Variants in TMEM52B observed in about 807,000 individuals in gnomAD.
TMEM52B encodes chromosome 12 open reading frame 59.
Under a neutral mutation model 16.1 loss-of-function variants are expected in TMEM52B, and 11 were observed. The ratio of observed to expected loss-of-function variants is 0.68; its 90% CI spans 0.43 to 1.13. The LOEUF (loss-of-function observed/expected upper bound fraction) is 1.13. Among genes scored for constraint, TMEM52B ranks in the 50% most tolerant of loss-of-function variants. TMEM52B has a pLI of 0.00. For synonymous variants in TMEM52B, 101 were observed against 93.8 expected (o/e 1.08, Z -0.45); for missense variants, 243 against 230.4 (o/e 1.05, Z -0.35).
intron 4 of TMEM52B, among the ~76,000 whole-genome samples, chr12:10,188,527 AGG>A (rs879283576): frequency 0.1 from 12,796 of 126,230 alleles, 799 homozygotes; most frequent in Non-Finnish European, 0.15. Context: ...GAAGGAAGGA[AGG>A]AAGGAAGGAA....
Position 10,191,729 on chromosome 12 carries a change from A to T in TMEM52B, c.*1589A>T, listed in dbSNP as rs1477659591. ...GTTCCCATTTATCTTTTTGCCAACT[A>T]TGTTACTGTTGTCACACCTGAAATG... On this transcript the variant is annotated 3_prime_UTR_variant, in exon 5 of 5. Transcript: ENST00000543484. 6.6e-6 allele frequency: 1 copy of T among 152,154 alleles called. No individual in the cohort carries two copies. Among genetic ancestry groups the T allele is most frequent in the Non-Finnish European group, 1.5e-5 (1 of 68,020 alleles). 9.4% of individuals were successfully genotyped at this position (152,154 alleles called of 1,614,324 possible). A position where few individuals can be genotyped will look rare whatever the true frequency, so the allele number is the denominator to read the frequency against.
At chr12:10,181,612 G>A (rs1421203963) in intron 1 of TMEM52B, among the ~76,000 whole-genome samples, 2 of 151,532 alleles carry the variant, frequency 1.3e-5, no homozygotes, top group Admixed American at 1.3e-4. Flanking sequence ...ACAGGCGTGA[G>A]CCACCACGCC....
Position 10,179,600 on chromosome 12 carries a change from C to A in TMEM52B, c.26C>A (p.Ala9Glu), listed in dbSNP as rs768022750. 4 of 1,614,038 alleles carry A rather than the reference C, an allele frequency of 2.5e-6. No individual in the cohort carries two copies. Among genetic ancestry groups the A allele is most frequent in the African/African-American group, 1.3e-5 (1 of 74,910 alleles). Residue 9 changes from alanine to glutamate, a missense_variant, in exon 1 of 5, where the codon GCG (alanine) becomes GAG (glutamate). Physicochemically the swap from Ala to Glu is moderately radical, Grantham distance 107. Coordinates refer to ENST00000543484, the MANE Select transcript of TMEM52B (RefSeq NM_001384896.1). MGVRVHVV[A>E]ASALLYFILL... Reference sequence around the variant, plus strand: ...ATGGGAGTCCGAGTTCATGTCGTGGCGGCCTCAGCCCTGCTGTATTTCATC... The same window carrying A: ...ATGGGAGTCCGAGTTCATGTCGTGGAGGCCTCAGCCCTGCTGTATTTCATC...
upstream of TMEM52B, among the ~76,000 whole-genome samples, chr12:10,178,634 C>A (rs7305138): frequency 0.8 from 120,761 of 151,676 alleles, 48,881 homozygotes; most frequent in African/African-American, 0.89. Context: ...TCACATCACT[C>A]CTTAACCAAA....
At chr12:10,173,549 G>C (rs553517050) in intron 1 of TMEM52B, among the ~76,000 whole-genome samples, 75 of 61,956 alleles carry the variant, frequency 1.2e-3, no homozygotes, top group East Asian at 3.9e-3. Context: ...GGAAGCTGAG[G>C]GGGGGGGTGG....
Position 10,181,113 on chromosome 12 carries a change from G to A in TMEM52B, c.55-1437G>A, listed in dbSNP as rs549777262. On this transcript the variant is annotated intron_variant, in intron 1 of 4. Coordinates refer to ENST00000543484, the MANE Select transcript of TMEM52B (RefSeq NM_001384896.1). Reference sequence around the variant, plus strand: ...TGAGCCACTGCACCCAGCCTTGAATGGGTTTTTGAAAGAGGAAGTCAACTA... The same window carrying A: ...TGAGCCACTGCACCCAGCCTTGAATAGGTTTTTGAAAGAGGAAGTCAACTA... Among the ~76,000 whole-genome samples, 10 of 152,092 alleles carry A rather than the reference G, an allele frequency of 6.6e-5. 1 individual carries two copies. In the South Asian group the frequency reaches 1.9e-3, roughly 28 times the overall value.
At chr12:10,177,766 CAAA>C (rs1438669555), upstream of TMEM52B, among the ~76,000 whole-genome samples, 1 of 91,154 alleles carries the variant, frequency 1.1e-5, no homozygotes, top group Non-Finnish European at 2.1e-5. Flanking sequence ...GACTCTGTCT[CAAA>C]TAATAATAAT....
At chr12:10,181,166 AGTTTT>A (rs527710589) in intron 1 of TMEM52B, among the ~76,000 whole-genome samples, 197 of 152,194 alleles carry the variant, frequency 1.3e-3, no homozygotes, top group Non-Finnish European at 2.1e-3. Context: ...AAGAGTGGAC[AGTTTT>A]GTTTGTTTTT....
At chr12:10,189,847 G>A (rs1485189170) in intron 4 of TMEM52B, 49 bp from the exon 5 acceptor site, 2 of 1,602,322 alleles carry the variant, frequency 1.2e-6, no homozygotes, top group African/African-American at 1.3e-5. Context: ...CTGTCTGAGG[G>A]TGTCCTGTTT....
intron 1 of TMEM52B, among the ~76,000 whole-genome samples, chr12:10,171,728 CT>C (rs973474948): frequency 6.6e-6 from 1 of 152,142 alleles, no homozygotes; most frequent in African/African-American, 2.4e-5. Context: ...TAGTACCAAT[CT>C]CAAAATGTTA....
chr12:10,184,708 C>A (rs1472908500), intron 2 of TMEM52B, among the ~76,000 whole-genome samples: 1 of 152,046 alleles, frequency 6.6e-6, no homozygotes, highest in Non-Finnish European at 1.5e-5. Flanking sequence ...GATTGTATGA[C>A]TTTCATACTC....
chr12:10,189,439 C>T (rs968613197), intron 4 of TMEM52B, among the ~76,000 whole-genome samples: 6 of 151,638 alleles, frequency 4.0e-5, no homozygotes, highest in African/African-American at 1.5e-4. Flanking sequence ...GCCTGGCCAA[C>T]ATAGTGAAAC....
upstream of TMEM52B, among the ~76,000 whole-genome samples, chr12:10,175,101 C>T (rs1350602594): frequency 2.0e-5 from 3 of 152,144 alleles, no homozygotes; most frequent in South Asian, 2.1e-4. Flanking sequence ...TTATTCCTGC[C>T]TCCTGGTGTT....
chr12:10,184,906 GT>G (rs1489206723), intron 2 of TMEM52B, among the ~76,000 whole-genome samples: 1 of 151,866 alleles, frequency 6.6e-6, no homozygotes, highest in African/African-American at 2.4e-5. Context: ...TAGAGATGGG[GT>G]TTCACTATGT....
intron 1 of TMEM52B, among the ~76,000 whole-genome samples, chr12:10,171,546 C>T (rs984080613): frequency 1.3e-5 from 2 of 152,162 alleles, no homozygotes; most frequent in South Asian, 2.1e-4. Flanking sequence ...CAGAAATTAT[C>T]GTTATATACA....
Position 10,189,998 on chromosome 12 carries a change from G to A in TMEM52B, c.410G>A (p.Gly137Glu). ...CCCTCCTCTTTGGACACCCTCCCAG[G>A]GTATGAAGAAGCTCTTCACATGAGT... ...QLPSSLDTLP[G>E]YEEALHMSRF... The change falls in exon 5 of 5, where the codon GGG (glycine) becomes GAG (glutamate). Residue 137 changes from glycine to glutamate, a missense_variant. Gly to Glu is a moderately conservative substitution (Grantham distance 98). Coordinates refer to ENST00000543484, the MANE Select transcript of TMEM52B (RefSeq NM_001384896.1). The A allele has an allele frequency of 1.2e-6, 2 of 1,614,084 alleles. No homozygotes were observed. Among genetic ancestry groups the A allele is most frequent in the Non-Finnish European group, 8.5e-7 (1 of 1,180,024 alleles).
In TMEM52B at chr12:10,185,442, A is replaced by G. The variant is rs897223714; in HGVS notation, c.137+74A>G. 2.5e-5 allele frequency: 27 copies of G among 1,082,650 alleles called. No homozygotes were observed. In the African/African-American group the frequency reaches 4.1e-4, roughly 16 times the overall value. 67.1% of individuals were successfully genotyped at this position (1,082,650 alleles called of 1,614,324 possible). On this transcript the variant is annotated intron_variant, in intron 3 of 4. Coordinates refer to ENST00000543484, the MANE Select transcript of TMEM52B (RefSeq NM_001384896.1). Reference sequence around the variant, plus strand: ...ATTAAAAATGACAACCTGCCTACTTACTTAGCATCTCATGGAGTAAGATTT... The same window carrying G: ...ATTAAAAATGACAACCTGCCTACTTGCTTAGCATCTCATGGAGTAAGATTT...
At chr12:10,180,274 T>G (rs963518184) in intron 1 of TMEM52B, among the ~76,000 whole-genome samples, 3 of 126,688 alleles carry the variant, frequency 2.4e-5, no homozygotes, top group African/African-American at 2.9e-5. Context: ...CTGTATGGTT[T>G]GTTTTTTTTT....
chr12:10,179,767 C>CT, intron 1 of TMEM52B, 139 bp downstream of exon 1: 1 of 934,056 alleles, frequency 1.1e-6, no homozygotes, highest in Non-Finnish European at 1.7e-6. Context: ...GAATAAACTA[C>CT]AAAGTTTCCT....
Sources: gnomAD v4.1 joint callset for allele counts (sites outside exome capture counted in the v4.1 genomes callset) on GRCh38, gnomAD v4.1.1 for gene constraint, MANE v1.5 for transcripts, NCBI Gene and HGNC (gene_info 2026-07-23, HGNC 2026-07-21) for gene names.